The following DMD variants were observed in gnomAD, a reference collection of about 807,000 sequenced individuals.
DMD encodes the protein dystrophin.
DMD carries 63 observed loss-of-function variants against 330.1 expected under a neutral mutation model. The ratio of observed to expected loss-of-function variants is 0.19; its 90% CI spans 0.16 to 0.24. The LOEUF is 0.24. Ranked by LOEUF, DMD falls within the 10% of genes least tolerant of loss-of-function variation. The pLI is 1.00. For synonymous variants in DMD, 1,223 were observed against 959.8 expected (o/e 1.27, Z -5.07); for missense variants, 3,344 against 2,684.1 (o/e 1.25, Z -5.43).
chrX:33,080,667 G>T (rs1193398157), intron 1 of DMD, among the ~76,000 whole-genome samples: 2 of 111,168 alleles, frequency 1.8e-5, no homozygotes, highest in Admixed American at 1.9e-4. Flanking sequence ...AGCTCTCCAC[G>T]TGTCCCCAGG....
chrX:33,006,335 A>G (rs6631712), intron 2 of DMD, among the ~76,000 whole-genome samples: 42,883 of 110,603 alleles, frequency 0.39, 6,369 homozygotes, highest in East Asian at 0.49. Flanking sequence ...ACACTATCTG[A>G]CTACAAGACT....
intron 52 of DMD, among the ~76,000 whole-genome samples, chrX:31,705,528 G>C (rs2084116422): frequency 8.8e-6 from 1 of 113,016 alleles, no homozygotes; most frequent in African/African-American, 3.2e-5. Flanking sequence ...AGGTCACTGT[G>C]CTTCTTCCAC....
intron 1 of DMD, among the ~76,000 whole-genome samples, chrX:33,208,903 A>G (rs1331538477): frequency 1.8e-5 from 2 of 111,517 alleles, no homozygotes; most frequent in Non-Finnish European, 3.8e-5. Flanking sequence ...TAGAATTTTG[A>G]AAAACACCTG....
chrX:31,615,954 G>A (rs1227687580), intron 55 of DMD, among the ~76,000 whole-genome samples: 1 of 111,969 alleles, frequency 8.9e-6, no homozygotes, highest in African/African-American at 3.3e-5. Context: ...CCGTGTGCCA[G>A]AAACTGTTCC....
chrX:32,405,509 T>A (rs2147852377), intron 30 of DMD, among the ~76,000 whole-genome samples: 1 of 111,948 alleles, frequency 8.9e-6, no homozygotes, highest in Non-Finnish European at 1.9e-5. Flanking sequence ...CCATTTGCTT[T>A]ATTCTGTTTC....
chrX:32,953,698 T>C (rs752327010), intron 2 of DMD, among the ~76,000 whole-genome samples: 70 of 112,405 alleles, frequency 6.2e-4, no homozygotes, highest in Non-Finnish European at 8.6e-4. Context: ...AATTTTATAT[T>C]GCCTTGATAG....
chrX:32,518,725 C>G (rs770805462), intron 17 of DMD, among the ~76,000 whole-genome samples: 1 of 110,766 alleles, frequency 9.0e-6, no homozygotes, highest in Non-Finnish European at 1.9e-5. Context: ...TTTAAGGAAA[C>G]TTGATCTGTC....
chrX:31,430,691 A>C (rs750077266), intron 60 of DMD, among the ~76,000 whole-genome samples: 1 of 110,627 alleles, frequency 9.0e-6, no homozygotes, highest in African/African-American at 3.3e-5. Context: ...AGCTGTAGCC[A>C]CATGGGCAAC....
At chrX:32,198,377 C>T (rs923678503) in intron 44 of DMD, among the ~76,000 whole-genome samples, 1 of 111,152 alleles carries the variant, frequency 9.0e-6, no homozygotes, top group African/African-American at 3.3e-5. Flanking sequence ...CTCCTCACAC[C>T]CTCACAAGAG....
intron 1 of DMD, among the ~76,000 whole-genome samples, chrX:33,100,113 C>T (rs867131633): frequency 4.5e-5 from 5 of 111,298 alleles, no homozygotes; most frequent in South Asian, 3.7e-4. Context: ...AGATGCTGGC[C>T]CAATCCAAAC....
At chrX:31,294,624 G>A (rs772450249) in intron 62 of DMD, among the ~76,000 whole-genome samples, 2 of 111,969 alleles carry the variant, frequency 1.8e-5, no homozygotes, top group Non-Finnish European at 3.8e-5. Flanking sequence ...TTGAGTAAAC[G>A]TACTTCTGCA....
chrX:32,903,258 T>C (rs1214251186), intron 2 of DMD, among the ~76,000 whole-genome samples: 4 of 108,276 alleles, frequency 3.7e-5, no homozygotes, highest in Admixed American at 3.0e-4. Context: ...AAGACTGGTA[T>C]GTGTAAGGGT....
chrX:31,902,633 A>C (rs1360903176), intron 47 of DMD, among the ~76,000 whole-genome samples: 1 of 111,962 alleles, frequency 8.9e-6, no homozygotes, highest in East Asian at 2.8e-4. Context: ...TTTGCTACTA[A>C]TAAATGTATT....
intron 45 of DMD, among the ~76,000 whole-genome samples, chrX:31,960,837 C>A (rs913976813): frequency 8.9e-6 from 1 of 112,143 alleles, no homozygotes; most frequent in African/African-American, 3.2e-5. Flanking sequence ...CCCTTGAAAG[C>A]TTTTCAAGAG....
chrX:31,658,260 A>T (rs893243522), intron 53 of DMD, 116 bp from the exon 54 acceptor site: 2 of 829,859 alleles, frequency 2.4e-6, no homozygotes, highest in African/African-American at 4.0e-5. Flanking sequence ...GAATACATAT[A>T]TTAGATTGCT....
At chrX:32,737,290 A>G (rs916141569) in intron 7 of DMD, among the ~76,000 whole-genome samples, 25 of 111,535 alleles carry the variant, frequency 2.2e-4, no homozygotes, top group Non-Finnish European at 4.1e-4. Context: ...TTCAAACTCC[A>G]TTTTACCTTG....
At chrX:32,487,869 G>A (rs777691491) in intron 20 of DMD, among the ~76,000 whole-genome samples, 1 of 111,639 alleles carries the variant, frequency 9.0e-6, no homozygotes, top group South Asian at 3.8e-4. Flanking sequence ...CCATGGATAA[G>A]AAATAAGACA....
chrX:31,893,449 A>G (rs2094287081), intron 47 of DMD, among the ~76,000 whole-genome samples: 1 of 111,361 alleles, frequency 9.0e-6, no homozygotes, highest in African/African-American at 3.3e-5. Flanking sequence ...TGCTTGTCCT[A>G]CATTTTTGGC....
intron 64 of DMD, 70 bp from the exon 65 acceptor site, chrX:31,209,769 T>C: frequency 3.9e-6 from 4 of 1,031,516 alleles, no homozygotes; most frequent in Non-Finnish European, 5.4e-6. Context: ...CTTTTTCCTC[T>C]GAGAATCCTA....
Sources: allele counts gnomAD v4.1 joint callset (sites outside exome capture counted in the v4.1 genomes callset), GRCh38; gene constraint gnomAD v4.1.1; transcripts MANE v1.5; gene names NCBI Gene and HGNC (gene_info 2026-07-23, HGNC 2026-07-21).